Variants in PRKN observed in about 807,000 individuals in gnomAD.
PRKN encodes the protein E3 ubiquitin-protein ligase parkin.
A neutral mutation model predicts 59.5 loss-of-function variants in PRKN; 56 were observed. The observed-to-expected ratio is 0.94, with a 90% CI of 0.76 to 1.18. The LOEUF (loss-of-function observed/expected upper bound fraction) is 1.18, where lower values mean the gene tolerates loss of function less well. Ranked by LOEUF, PRKN falls within the 50% of genes most tolerant of loss-of-function variation. The pLI is 0.00. For synonymous variants in PRKN, 250 were observed against 222.1 expected (o/e 1.13, Z -1.12); for missense variants, 657 against 596.4 (o/e 1.10, Z -1.06).
chr6:162,328,509 T>C (rs547556377), intron 2 of PRKN, among the ~76,000 whole-genome samples: 3 of 152,108 alleles, frequency 2.0e-5, no homozygotes, highest in Non-Finnish European at 2.9e-5. Flanking sequence ...CTTACAAAGA[T>C]GGGTGAATAA....
rs1038005217 is a variant in PRKN at position 161,760,212 on chromosome 6, C to G, written c.871+25560G>C. 7.4e-5 allele frequency among the ~76,000 whole-genome samples: 4 copies of G among 54,350 alleles called. No individual in the cohort carries two copies. The East Asian group carries it at 2.2e-3, about 29-fold the overall frequency. The allele number at this position is 54,350 out of a possible 152,430, so 35.7% of individuals were successfully genotyped here. ...CACTTTAACTGGGAACATTGTAAGA[C>G]TGAGCTGAATTTGAAAACAATGCCA... is the stretch of plus-strand genomic sequence containing the variant. On this transcript the variant is annotated intron_variant, in intron 7 of 11. Coordinates refer to ENST00000366898, the MANE Select transcript of PRKN (RefSeq NM_004562.3).
chr6:162,339,091 A>C (rs541797134), intron 2 of PRKN, among the ~76,000 whole-genome samples: 11,159 of 59,978 alleles, frequency 0.19, 819 homozygotes, highest in Middle Eastern at 0.24. Context: ...AGCCCCTCCG[A>C]CCGGCAGCCG....
At chr6:162,326,867 C>T (rs1783309105) in intron 2 of PRKN, among the ~76,000 whole-genome samples, 1 of 152,110 alleles carries the variant, frequency 6.6e-6, no homozygotes, top group Non-Finnish European at 1.5e-5. Flanking sequence ...TGAATATCAT[C>T]CTAAGTAAAG....
chr6:162,688,173 A>G (rs1330348294), intron 1 of PRKN, among the ~76,000 whole-genome samples: 1 of 152,238 alleles, frequency 6.6e-6, no homozygotes, highest in African/African-American at 2.4e-5. Context: ...TCTCATAGAC[A>G]TAACACTGAC....
intron 2 of PRKN, among the ~76,000 whole-genome samples, chr6:162,278,615 A>T (rs1305839399): frequency 6.6e-6 from 1 of 152,164 alleles, no homozygotes; most frequent in African/African-American, 2.4e-5. Flanking sequence ...ATAAAGGCTT[A>T]AAAAAGCTAT....
chr6:161,929,517 C>CTTTTTTTT (rs759945931), intron 6 of PRKN, among the ~76,000 whole-genome samples: 42 of 72,252 alleles, frequency 5.8e-4, no homozygotes, highest in African/African-American at 1.3e-3. Flanking sequence ...AATTTCACCT[C>CTTTTTTTT]TTTTTTTTTT....
At chr6:162,149,901 A>G (rs979492759) in intron 4 of PRKN, among the ~76,000 whole-genome samples, 2 of 152,184 alleles carry the variant, frequency 1.3e-5, no homozygotes, top group African/African-American at 4.8e-5. Context: ...GCAGGATCCA[A>G]GTTTCCTGAT....
intron 4 of PRKN, among the ~76,000 whole-genome samples, chr6:162,148,725 G>A (rs1449581549): frequency 2.6e-5 from 4 of 152,130 alleles, no homozygotes; most frequent in African/African-American, 9.7e-5. Context: ...AGTCTTCCCT[G>A]CAAAGAGCCA....
In PRKN at chr6:161,950,604, C is replaced by G. The variant is rs1779951749; in HGVS notation, c.734+22698G>C. Among the ~76,000 whole-genome samples the G allele has an allele frequency of 1.3e-5, 2 of 152,028 alleles. 1 individual carries two copies. Among genetic ancestry groups the G allele is most frequent in the South Asian group, 4.1e-4 (2 of 4,820 alleles). On this transcript the variant is annotated intron_variant, in intron 6 of 11. Coordinates refer to ENST00000366898, the MANE Select transcript of PRKN (RefSeq NM_004562.3). ...GAAAGAAAACAAATGGTTACAAAAC[C>G]AAAATACAGTAGGGGACACTGATAA...
In PRKN at chr6:161,413,317, C is replaced by A. The variant is rs1368350797; in HGVS notation, c.1084-26440G>T. ...TTCCACTGCCAGGGTCCTGTCCTCC[C>A]TCCGCTTTCCCTTCACTTCCTGAGT... On this transcript the variant is annotated intron_variant, in intron 9 of 11. Coordinates refer to ENST00000366898, the MANE Select transcript of PRKN (RefSeq NM_004562.3). This position sits in a 1 kb window ranked among gnomAD's most constrained non-coding sequence, Gnocchi z 4.4. 6.6e-6 allele frequency among the ~76,000 whole-genome samples: 1 copy of A among 152,058 alleles called. No individual in the cohort carries two copies. Among genetic ancestry groups the A allele is most frequent in the Non-Finnish European group, 1.5e-5 (1 of 68,028 alleles).
intron 1 of PRKN, among the ~76,000 whole-genome samples, chr6:162,627,756 G>C (rs1782952442): frequency 6.6e-6 from 1 of 152,066 alleles, no homozygotes; most frequent in Non-Finnish European, 1.5e-5. Context: ...GGAACTGTTT[G>C]GGCATATTAA....
chr6:161,770,853 A>G (rs1021025476), intron 7 of PRKN, among the ~76,000 whole-genome samples: 1 of 151,844 alleles, frequency 6.6e-6, no homozygotes, highest in Non-Finnish European at 1.5e-5. Context: ...AGACGAGGAG[A>G]TGAGGACAGA....
At chr6:162,128,763 G>C (rs1435397481) in intron 4 of PRKN, among the ~76,000 whole-genome samples, 2 of 152,186 alleles carry the variant, frequency 1.3e-5, no homozygotes, top group African/African-American at 4.8e-5. Context: ...GATGGGATTA[G>C]GGCCCTTATA....
intron 7 of PRKN, among the ~76,000 whole-genome samples, chr6:161,657,884 C>T (rs1017303505): frequency 6.6e-6 from 1 of 151,674 alleles, no homozygotes; most frequent in African/African-American, 2.4e-5. Flanking sequence ...AAAAAATTAG[C>T]TGGCATGGTG....
At chr6:162,626,666 T>C (rs551921851) in intron 1 of PRKN, among the ~76,000 whole-genome samples, 26 of 151,674 alleles carry the variant, frequency 1.7e-4, no homozygotes, top group Non-Finnish European at 3.5e-4. Context: ...TACAAAAAAA[T>C]AGCTGGGCCT....
At position 162,262,779 on chromosome 6, in the gene PRKN, A is replaced by C. The variant is rs1206006726; in HGVS notation, c.172-14T>G. 2.6e-6 allele frequency: 4 copies of C among 1,560,106 alleles called. No homozygotes were observed. In the African/African-American group the frequency reaches 5.6e-5, roughly 22 times the overall value. ...CAGGTCACAATTCTGTTTGGGAGCA[A>C]GGTAAAAAAAAAAAAAAAAAAAAAG... On this transcript the variant is annotated splice_polypyrimidine_tract_variant and intron_variant, in intron 2 of 11. Coordinates refer to ENST00000366898, the MANE Select transcript of PRKN (RefSeq NM_004562.3).
chr6:162,096,606 T>C (rs913305003), intron 4 of PRKN, among the ~76,000 whole-genome samples: 13 of 152,112 alleles, frequency 8.5e-5, no homozygotes, highest in Non-Finnish European at 1.3e-4. Flanking sequence ...ACTGTTCCCC[T>C]GGTAGTGAAT....
At chr6:161,808,198 T>C (rs920834161) in intron 6 of PRKN, among the ~76,000 whole-genome samples, 1 of 152,178 alleles carries the variant, frequency 6.6e-6, no homozygotes, top group South Asian at 2.1e-4. Context: ...ATTTAACACA[T>C]AATAATCTTC....
intron 9 of PRKN, among the ~76,000 whole-genome samples, chr6:161,532,101 T>C (rs1391525561): frequency 9.2e-5 from 14 of 151,624 alleles, no homozygotes. Flanking sequence ...ATTAGTTCTA[T>C]TAAAAATCAA....
Sources: gnomAD v4.1 joint callset for allele counts (sites outside exome capture counted in the v4.1 genomes callset) on GRCh38, gnomAD v4.1.1 for gene constraint, Gnocchi (gnomAD v3.1) non-coding constraint, MANE v1.5 for transcripts, NCBI Gene and HGNC (gene_info 2026-07-23, HGNC 2026-07-21) for gene names.